The following PKN2 variants were observed in gnomAD, a reference collection of about 807,000 sequenced individuals.
PKN2 encodes protein kinase N2.
PKN2 carries 38 observed loss-of-function variants against 119.1 expected under a neutral mutation model. The ratio of observed to expected loss-of-function variants is 0.32; its 90% CI spans 0.25 to 0.42. The LOEUF (loss-of-function observed/expected upper bound fraction) is 0.42. Ranked by LOEUF, PKN2 falls within the 10% of genes least tolerant of loss-of-function variation. The pLI is 1.00. For synonymous variants in PKN2, 390 were observed against 384.9 expected, an observed-to-expected ratio of 1.01 and a Z score of -0.15; for missense variants, 850 against 1,165.1, an observed-to-expected ratio of 0.73 and a Z score of 3.94.
chr1:88,805,083 G>C (rs1671482700), intron 10 of PKN2, among the ~76,000 whole-genome samples, 162 bp downstream of exon 10: 1 of 152,104 alleles, frequency 6.6e-6, no homozygotes, highest in Non-Finnish European at 1.5e-5. Context: ...CATAAGTGGA[G>C]AGACTAGTGA....
At chr1:88,760,575 G>A (rs1669402778) in intron 3 of PKN2, among the ~76,000 whole-genome samples, 199 bp downstream of exon 3, 1 of 152,092 alleles carries the variant, frequency 6.6e-6, no homozygotes, top group African/African-American at 2.4e-5. Context: ...AGCTGAGTTC[G>A]AACAAGGTGA....
intron 1 of PKN2, among the ~76,000 whole-genome samples, chr1:88,730,326 G>C (rs935185205): frequency 6.6e-6 from 1 of 152,136 alleles, no homozygotes; most frequent in African/African-American, 2.4e-5. Context: ...CCAGAAACAA[G>C]AAGTAGAAAG....
chr1:88,731,431 TAAAC>T (rs545462032), intron 1 of PKN2, among the ~76,000 whole-genome samples: 46 of 152,176 alleles, frequency 3.0e-4, no homozygotes, highest in Non-Finnish European at 5.0e-4. Context: ...CAAATATAGA[TAAAC>T]GGGTATTTCA....
intron 1 of PKN2, among the ~76,000 whole-genome samples, chr1:88,708,955 T>C (rs1667113205): frequency 6.6e-6 from 1 of 152,052 alleles, no homozygotes. Context: ...CCCAGTTGTA[T>C]TTTGACATTG....
At chr1:88,700,946 C>T (rs1213367379) in intron 1 of PKN2, among the ~76,000 whole-genome samples, 3 of 152,110 alleles carry the variant, frequency 2.0e-5, no homozygotes, top group Non-Finnish European at 4.4e-5. Context: ...AGCAGAACTG[C>T]AGTATATCAT....
At chr1:88,736,802 G>C (rs1319825055) in intron 1 of PKN2, among the ~76,000 whole-genome samples, 1 of 152,128 alleles carries the variant, frequency 6.6e-6, no homozygotes, top group African/African-American at 2.4e-5. Flanking sequence ...TTGAGCCCTT[G>C]GCCACTATCA....
chr1:88,736,859 TCA>T (rs1428449891), intron 1 of PKN2, among the ~76,000 whole-genome samples: 2 of 152,208 alleles, frequency 1.3e-5, no homozygotes, highest in Non-Finnish European at 2.9e-5. Flanking sequence ...TGCAGTGAAT[TCA>T]CAGTTGGTTT....
rs1334071427 is a variant in PKN2 at position 88,833,279 on chromosome 1, T to C, written c.2786T>C (p.Val929Ala). Residue 929 changes from valine (V) to alanine (A), a missense_variant, in exon 22 of 22, where the codon GTA becomes GCA. Val to Ala is a moderately conservative substitution (Grantham distance 64, BLOSUM62 0). This residue lies in a region of PKN2 where 95 missense variants were observed against 150.2 expected (regional missense o/e 0.63). Transcript: ENST00000370521. Reference sequence around the variant, plus strand: ...TGGAGCGCTCTGATGGACAAAAAAGTAAAGCCACCATTTATACCTACCATA... The same window carrying C: ...TGGAGCGCTCTGATGGACAAAAAAGCAAAGCCACCATTTATACCTACCATA... ...IDWSALMDKK[V>A]KPPFIPTIRG... The C allele has an allele frequency of 6.2e-7, 1 of 1,613,396 alleles. No individual in the cohort carries two copies. Among genetic ancestry groups the C allele is most frequent in the South Asian group, 1.1e-5 (1 of 91,056 alleles).
chr1:88,732,789 G>A (rs78651661), intron 1 of PKN2, among the ~76,000 whole-genome samples: 192 of 152,012 alleles, frequency 1.3e-3, no homozygotes, highest in Non-Finnish European at 2.3e-3. Context: ...CTTGTAAGTG[G>A]ATAAATAAAA....
intron 1 of PKN2, among the ~76,000 whole-genome samples, chr1:88,693,498 T>C (rs917238641): frequency 5.9e-5 from 9 of 152,338 alleles, no homozygotes; most frequent in South Asian, 2.1e-4. Flanking sequence ...AAATAACTTA[T>C]AATGAAACCA....
chr1:88,822,033 C>A lies in PKN2; in HGVS notation c.2342+30C>A, dbSNP rs1488699508. 3.4e-6 allele frequency: 5 copies of A among 1,467,662 alleles called. No individual in the cohort carries two copies. The East Asian group carries it at 7.5e-5, about 22-fold the overall frequency. The allele number at this position is 1,467,662 out of a possible 1,614,324, so 90.9% of individuals were successfully genotyped here. ...GTTAATTTTTAATTTTTTCTAATGGCTTGCTTTGGTATGATTTAGAATTAA... is the reference window on the plus strand; with the variant it reads ...GTTAATTTTTAATTTTTTCTAATGGATTGCTTTGGTATGATTTAGAATTAA... On this transcript the variant is annotated intron_variant, in intron 17 of 21. Transcript: ENST00000370521.
At chr1:88,776,714 T>C (rs1287305232) in intron 6 of PKN2, among the ~76,000 whole-genome samples, 1 of 151,452 alleles carries the variant, frequency 6.6e-6, no homozygotes, top group Non-Finnish European at 1.5e-5. Flanking sequence ...CACTCCAGCC[T>C]GGGTGACAGA....
chr1:88,715,210 T>C (rs11803428), intron 1 of PKN2, among the ~76,000 whole-genome samples: 10,209 of 152,242 alleles, frequency 0.067, 699 homozygotes, highest in African/African-American at 0.18. Context: ...TTGATGTTCA[T>C]CAGGGATATT....
At chr1:88,772,578 T>C (rs1669939932) in intron 6 of PKN2, among the ~76,000 whole-genome samples, 1 of 152,214 alleles carries the variant, frequency 6.6e-6, no homozygotes, top group Admixed American at 6.5e-5. Context: ...ATTGACCTAT[T>C]TGTCAGAGCA....
chr1:88,825,832 C>T (rs1188442138), intron 18 of PKN2, among the ~76,000 whole-genome samples: 1 of 152,158 alleles, frequency 6.6e-6, no homozygotes, highest in Non-Finnish European at 1.5e-5. Context: ...CATACAGTGC[C>T]GTTACTGATC....
chr1:88,733,534 ATTTG>A lies in PKN2; in HGVS notation c.49-7447_49-7444del, dbSNP rs1192775752. On this transcript the variant is annotated intron_variant, in intron 1 of 21. Transcript: ENST00000370521. Reference sequence around the variant, plus strand: ...CTTTTGCCCATTTTTTGATCAGGTTATTTGTTTGTTATTGAGTGTTTGAGTTCTT... The same window carrying A: ...CTTTTGCCCATTTTTTGATCAGGTTATTTGTTATTGAGTGTTTGAGTTCTT... 2.6e-5 allele frequency among the ~76,000 whole-genome samples: 4 copies of A among 151,856 alleles called. No homozygotes were observed. In the East Asian group the frequency reaches 5.8e-4, roughly 22 times the overall value.
At chr1:88,695,677 G>A (rs1054564417) in intron 1 of PKN2, among the ~76,000 whole-genome samples, 4 of 152,166 alleles carry the variant, frequency 2.6e-5, no homozygotes, top group African/African-American at 7.2e-5. Flanking sequence ...TGGAATGTTA[G>A]CCATCCTTTT....
At chr1:88,786,307 A>C (rs905781063) in intron 8 of PKN2, 94 bp downstream of exon 8, 1 of 593,954 alleles carries the variant, frequency 1.7e-6, no homozygotes, top group Non-Finnish European at 2.9e-6. Flanking sequence ...TGTATTCTTA[A>C]CAAGAATAAA....
chr1:88,711,237 C>T (rs1057495827), intron 1 of PKN2, among the ~76,000 whole-genome samples: 9 of 151,970 alleles, frequency 5.9e-5, no homozygotes, highest in East Asian at 1.9e-4. Context: ...TACAATAAAC[C>T]GCCATGACAT....
Sources: gnomAD v4.1 joint callset for allele counts (sites outside exome capture counted in the v4.1 genomes callset) on GRCh38, gnomAD v4.1.1 for gene constraint, gnomAD v4.1.1 regional missense constraint, MANE v1.5 for transcripts, NCBI Gene and HGNC (gene_info 2026-07-23, HGNC 2026-07-21) for gene names.